FBXL7: variants seen among roughly 807,000 people sequenced by gnomAD.
FBXL7 encodes the protein F-box and leucine rich repeat protein 7.
In FBXL7, 12 loss-of-function variants were observed where a neutral mutation model predicts 38.3. That is an observed-to-expected ratio of 0.31 (90% CI 0.20 to 0.51). The LOEUF is 0.51. Among genes scored for constraint, FBXL7 ranks in the 20% least tolerant of loss-of-function variants. The pLI, the probability that FBXL7 is intolerant of heterozygous loss-of-function variation, is 0.98. For synonymous variants in FBXL7, 297 were observed against 300.9 expected (o/e 0.99, Z 0.13); for missense variants, 567 against 676.4 (o/e 0.84, Z 1.79).
chr5:15,676,212 G>T (rs1434936250), intron 2 of FBXL7, among the ~76,000 whole-genome samples: 1 of 151,994 alleles, frequency 6.6e-6, no homozygotes, highest in East Asian at 1.9e-4. Flanking sequence ...TTATCCGGGG[G>T]GCCCTTTTCA....
intron 1 of FBXL7, among the ~76,000 whole-genome samples, chr5:15,510,966 T>A (rs749659389): frequency 1.8e-4 from 28 of 152,160 alleles, no homozygotes; most frequent in Non-Finnish European, 3.1e-4. Context: ...TGTGACTGAG[T>A]CACGCCGGAT....
chr5:15,886,257 G>A (rs1036118707), intron 2 of FBXL7, among the ~76,000 whole-genome samples: 1 of 151,952 alleles, frequency 6.6e-6, no homozygotes, highest in Non-Finnish European at 1.5e-5. Flanking sequence ...GCATACCTGT[G>A]TGTGTGCATG....
intron 2 of FBXL7, among the ~76,000 whole-genome samples, chr5:15,722,155 G>A (rs894477066): frequency 6.6e-6 from 1 of 152,140 alleles, no homozygotes; most frequent in African/African-American, 2.4e-5. Flanking sequence ...AAGTAGGATT[G>A]CATTATGTAC....
At chr5:15,806,815 A>G (rs1329941137) in intron 2 of FBXL7, among the ~76,000 whole-genome samples, 1 of 152,212 alleles carries the variant, frequency 6.6e-6, no homozygotes, top group Non-Finnish European at 1.5e-5. Context: ...GCCCAGAGTA[A>G]GGTGGACAGC....
At chr5:15,763,217 A>G (rs1340263101) in intron 2 of FBXL7, among the ~76,000 whole-genome samples, 2 of 152,174 alleles carry the variant, frequency 1.3e-5, no homozygotes, top group Non-Finnish European at 2.9e-5. Context: ...GATACTACTC[A>G]ACTAAGTGCT....
At chr5:15,515,138 C>T (rs994105258) in intron 1 of FBXL7, among the ~76,000 whole-genome samples, 6 of 152,254 alleles carry the variant, frequency 3.9e-5, no homozygotes, top group South Asian at 2.1e-4. Flanking sequence ...ATGGATGGAC[C>T]GGATGCCACT....
chr5:15,554,905 G>T (rs1281104732), intron 1 of FBXL7, among the ~76,000 whole-genome samples: 1 of 152,236 alleles, frequency 6.6e-6, no homozygotes, highest in Non-Finnish European at 1.5e-5. Context: ...TAAAGGGGAA[G>T]TTGAGTCAGT....
At chr5:15,751,062 T>G (rs539410716) in intron 2 of FBXL7, among the ~76,000 whole-genome samples, 52 of 152,150 alleles carry the variant, frequency 3.4e-4, no homozygotes, top group Non-Finnish European at 6.9e-4. Flanking sequence ...AAAGACATAA[T>G]GCATCAAACA....
chr5:15,913,120 G>A (rs1190676657), intron 2 of FBXL7, among the ~76,000 whole-genome samples: 1 of 152,150 alleles, frequency 6.6e-6, no homozygotes, highest in Non-Finnish European at 1.5e-5. Context: ...TGGGAATGTG[G>A]AATTTATGAG....
intron 1 of FBXL7, among the ~76,000 whole-genome samples, chr5:15,579,144 T>C (rs1156345224): frequency 1.3e-5 from 2 of 152,266 alleles, no homozygotes; most frequent in South Asian, 4.1e-4. Context: ...AGGTGGGAGG[T>C]TGACAAGGTA....
chr5:15,889,361 G>A (rs1216839934), intron 2 of FBXL7, among the ~76,000 whole-genome samples: 1 of 152,186 alleles, frequency 6.6e-6, no homozygotes, highest in African/African-American at 2.4e-5. Context: ...GCTCGAACAT[G>A]ACTTCTGAGT....
chr5:15,541,694 G>A (rs1191891211), intron 1 of FBXL7, among the ~76,000 whole-genome samples: 4 of 150,768 alleles, frequency 2.7e-5, no homozygotes, highest in Non-Finnish European at 4.4e-5. Context: ...ACAGGCGCCC[G>A]CCACCACGCT....
chr5:15,542,183 G>T (rs1406039140), intron 1 of FBXL7, among the ~76,000 whole-genome samples: 7 of 152,010 alleles, frequency 4.6e-5, no homozygotes, highest in African/African-American at 1.7e-4. Context: ...ATGTGTCACT[G>T]AAAGTTTTTT....
intron 2 of FBXL7, among the ~76,000 whole-genome samples, chr5:15,881,839 A>G (rs1158005041): frequency 6.6e-6 from 1 of 152,240 alleles, no homozygotes; most frequent in African/African-American, 2.4e-5. Context: ...TCACATTGCT[A>G]TAAAGAAATA....
chr5:15,643,906 T>G (rs1294207008), intron 2 of FBXL7, among the ~76,000 whole-genome samples: 1 of 152,166 alleles, frequency 6.6e-6, no homozygotes, highest in East Asian at 1.9e-4. Context: ...CGTGCTTAGA[T>G]GTGTGTCTGA....
chr5:15,603,306 G>T (rs1294098043), intron 1 of FBXL7, among the ~76,000 whole-genome samples: 1 of 152,144 alleles, frequency 6.6e-6, no homozygotes, highest in African/African-American at 2.4e-5. Flanking sequence ...ATATTAGGAT[G>T]ATTAATAGCT....
intron 2 of FBXL7, among the ~76,000 whole-genome samples, chr5:15,774,257 C>T (rs1172494079): frequency 6.6e-6 from 1 of 152,088 alleles, no homozygotes; most frequent in Non-Finnish European, 1.5e-5. Flanking sequence ...TCCCCTCTAA[C>T]AAATACTTTT....
At chr5:15,869,105 A>C (rs1053131866) in intron 2 of FBXL7, among the ~76,000 whole-genome samples, 2 of 152,160 alleles carry the variant, frequency 1.3e-5, no homozygotes, top group South Asian at 2.1e-4. Flanking sequence ...ACTCAGTTCC[A>C]TGCCACATAA....
chr5:15,936,768 G>C lies in FBXL7; in HGVS notation c.1058G>C (p.Arg353Pro). Residue 353 changes from arginine to proline, a missense_variant, in exon 4 of 4, where the codon CGG (arginine) becomes CCG (proline). Arg to Pro is a moderately radical substitution (Grantham distance 103, BLOSUM62 -2). Transcript: ENST00000504595. This position sits in a 1 kb window ranked among gnomAD's most constrained non-coding sequence, Gnocchi z 6.0. ...REIAKLESRL[R>P]YLSIAHCGRV... ...ATCGCCAAGCTGGAGTCCCGCCTGC[G>C]GTACCTGAGCATCGCGCACTGCGGC... 1 of 1,611,006 alleles carries C rather than the reference G, an allele frequency of 6.2e-7. No individual in the cohort carries two copies. Among genetic ancestry groups the C allele is most frequent in the Non-Finnish European group, 8.5e-7 (1 of 1,179,318 alleles).
Sources: allele counts gnomAD v4.1 joint callset (sites outside exome capture counted in the v4.1 genomes callset), GRCh38; gene constraint gnomAD v4.1.1; non-coding constraint Gnocchi (gnomAD v3.1); transcripts MANE v1.5; gene names NCBI Gene and HGNC (gene_info 2026-07-23, HGNC 2026-07-21).